The following SPAG5 variants were observed in gnomAD, a reference collection of about 807,000 sequenced individuals.
The protein encoded by SPAG5 is sperm associated antigen 5.
SPAG5 carries 99 observed loss-of-function variants against 145.4 expected under a neutral mutation model. That is an observed-to-expected ratio of 0.68 (90% CI 0.58 to 0.80). The LOEUF is 0.80. SPAG5 is among the 30% of genes least tolerant of loss of function. The pLI, the probability that SPAG5 is intolerant of heterozygous loss-of-function variation, is 0.00. For synonymous variants in SPAG5, 477 were observed against 525.4 expected (o/e 0.91, Z 1.26); for missense variants, 1,192 against 1,416.0 (o/e 0.84, Z 2.54).
Position 28,577,635 on chromosome 17 carries a change from T to C in SPAG5, c.*64A>G. ...CAGTTGGCTCTATGCCAGTTGGTCT[T>C]GGTATTGGGGTAAGGGGGTATTGCA... On this transcript the variant is annotated 3_prime_UTR_variant, in exon 24 of 24. Transcript: ENST00000321765. The C allele has an allele frequency of 9.1e-7, 1 of 1,104,014 alleles. No homozygotes were observed. The highest frequency in any genetic ancestry group is 1.4e-6 in the Non-Finnish European group (1 of 715,256). 68.4% of individuals were successfully genotyped at this position (1,104,014 alleles called of 1,614,324 possible).
In SPAG5 at chr17:28,584,343, G is replaced by A. The variant is rs760753205; in HGVS notation, c.2299C>T (p.Gln767Ter). The A allele has an allele frequency of 6.2e-7, 1 of 1,614,158 alleles. No individual in the cohort carries two copies. Residue 767 changes from glutamine to a stop codon, truncating the protein, a stop_gained, in exon 12 of 24, where the codon CAG becomes TAG. Coordinates refer to ENST00000321765, the MANE Select transcript of SPAG5 (RefSeq NM_006461.4). LOFTEE classifies it high-confidence loss of function. ...LCQLTQSNEE[Q>*]AAQWQKEEMA... ...CCGTTAGGAACTCACTGAGCAGCCT[G>A]CTCCTCATTGCTCTGGGTAAGCTGG...
rs556710938 is a variant in SPAG5 at position 28,586,554 on chromosome 17, CAG to C, written c.1438-57_1438-56del. On this transcript the variant is annotated intron_variant, in intron 4 of 23. Coordinates refer to ENST00000321765, the MANE Select transcript of SPAG5 (RefSeq NM_006461.4). ...TTTGTTTGTTTGTTTGTTTTTGAGACAGAGTCTTGCTCTATCATCCAGACTGG... is the reference window on the plus strand; with the variant it reads ...TTTGTTTGTTTGTTTGTTTTTGAGACAGTCTTGCTCTATCATCCAGACTGG... The C allele has an allele frequency of 2.6e-4, 369 of 1,432,830 alleles. No individual in the cohort carries two copies. In the African/African-American group the frequency reaches 4.4e-3, roughly 17 times the overall value. The allele number at this position is 1,432,830 out of a possible 1,614,324, so 88.8% of individuals were successfully genotyped here. A position where few individuals can be genotyped will look rare whatever the true frequency, so the allele number is the denominator to read the frequency against.
In SPAG5 at chr17:28,586,450, G is replaced by T; in HGVS notation, c.1487C>A (p.Ala496Asp). 1 of 1,613,712 alleles carries T rather than the reference G, an allele frequency of 6.2e-7. No homozygotes were observed. Among genetic ancestry groups the T allele is most frequent in the Non-Finnish European group, 8.5e-7 (1 of 1,179,558 alleles). ...CATGACATTTCTGGCCTGCTGTAGG[G>T]CCTGTCCCATCTCATGGCTCTCCTT... ...HLKESHEMGQ[A>D]LQQARNVMQS... Residue 496 changes from alanine (A) to aspartate (D), a missense_variant, in exon 5 of 24, where the codon GCC becomes GAC. Transcript: ENST00000321765.
At chr17:28,598,795 C>G (rs1478708748) in intron 1 of SPAG5, 101 bp downstream of exon 1, 1 of 1,526,712 alleles carries the variant, frequency 6.6e-7, no homozygotes, top group African/African-American at 1.4e-5. Flanking sequence ...CACAAGCCCC[C>G]AACCCCGGGC....
intron 2 of SPAG5, 110 bp downstream of exon 2, chr17:28,598,400 G>A (rs957615252): frequency 1.1e-5 from 15 of 1,333,124 alleles, no homozygotes; most frequent in Non-Finnish European, 1.4e-5. Context: ...TGTCACCGAC[G>A]TAGAAGACTT....
chr17:28,583,373 G>A (rs1265808045), intron 15 of SPAG5, 138 bp downstream of exon 15: 1 of 897,770 alleles, frequency 1.1e-6, no homozygotes, highest in Non-Finnish European at 1.6e-6. Context: ...AGAAAGGTTT[G>A]AGCAACAGGC....
Position 28,598,891 on chromosome 17 carries a change from C to T in SPAG5, c.51+5G>A. 1.2e-6 allele frequency: 2 copies of T among 1,613,934 alleles called. No homozygotes were observed. The highest frequency in any genetic ancestry group is 8.5e-7 in the Non-Finnish European group (1 of 1,179,916). On this transcript the variant is annotated splice_donor_5th_base_variant and intron_variant, in intron 1 of 23. Coordinates refer to ENST00000321765, the MANE Select transcript of SPAG5 (RefSeq NM_006461.4). ...AGTTCTCTCCGCCAGAGATCTCCCG[C>T]TTACCGTCTGGGGCGAAGGCGACAG...
intron 2 of SPAG5, among the ~76,000 whole-genome samples, chr17:28,594,367 G>A (rs983162176): frequency 2.6e-5 from 4 of 152,232 alleles, no homozygotes; most frequent in African/African-American, 7.2e-5. Flanking sequence ...AGGCTGAGGC[G>A]GGCGGATCAC....
At chr17:28,579,333 T>G (rs1257109229) in intron 18 of SPAG5, 32 bp downstream of exon 18, 3 of 1,613,934 alleles carry the variant, frequency 1.9e-6, no homozygotes, top group South Asian at 2.2e-5. Flanking sequence ...TGTCTCACTG[T>G]CCCTCTGTCA....
At chr17:28,594,945 G>A (rs2070651270) in intron 2 of SPAG5, among the ~76,000 whole-genome samples, 1 of 151,512 alleles carries the variant, frequency 6.6e-6, no homozygotes, top group African/African-American at 2.4e-5. Flanking sequence ...GGGTAACAGA[G>A]CAAGACCCTG....
chr17:28,592,557 A>G lies in SPAG5; in HGVS notation c.687T>C (p.Arg229=), dbSNP rs2070629185. The change falls in exon 3 of 24, where the codon CGT becomes CGC. Residue 229 remains arginine (R), a synonymous_variant. Coordinates refer to ENST00000321765, the MANE Select transcript of SPAG5 (RefSeq NM_006461.4). ...ESLSSRTEAV[R]EDLVPSESNA... ...TACTTTCAGAAGGTACTAAGTCCTC[A>G]CGCACAGCCTCAGTTCTACTGCTCA... 6.2e-7 allele frequency: 1 copy of G among 1,614,112 alleles called. No homozygotes were observed. Among genetic ancestry groups the G allele is most frequent in the Admixed American group, 1.7e-5 (1 of 59,998 alleles).
rs1287003584 is a variant in SPAG5 at position 28,577,583 on chromosome 17, T to A, written c.*116A>T. Reference sequence around the variant, plus strand: ...CGTAAGCTTGGAGAAATTCATTAAATACACTTTATTTAAATAGCATTTATC... The same window carrying A: ...CGTAAGCTTGGAGAAATTCATTAAAAACACTTTATTTAAATAGCATTTATC... On this transcript the variant is annotated 3_prime_UTR_variant, in exon 24 of 24. Transcript: ENST00000321765. 1.2e-5 allele frequency: 9 copies of A among 747,996 alleles called. No individual in the cohort carries two copies. The highest frequency in any genetic ancestry group is 2.1e-5 in the Non-Finnish European group (9 of 423,778). 46.3% of individuals were successfully genotyped at this position (747,996 alleles called of 1,614,324 possible).
intron 7 of SPAG5, 69 bp downstream of exon 7, chr17:28,585,795 A>G: frequency 6.2e-7 from 1 of 1,611,960 alleles, no homozygotes; most frequent in Non-Finnish European, 8.5e-7. Context: ...TCTAAAGTGC[A>G]TTTGTGTTCC....
At chr17:28,583,792 G>C in intron 14 of SPAG5, 61 bp downstream of exon 14, 1 of 1,573,202 alleles carries the variant, frequency 6.4e-7, no homozygotes, top group Non-Finnish European at 8.6e-7. Context: ...TTGGCTTCTA[G>C]AAGTGTTCCT....
rs2070569127 is a variant in SPAG5, at chr17:28,584,363, A to C, written c.2279T>G (p.Leu760Arg). Residue 760 changes from leucine (L) to arginine (R), a missense_variant, in exon 12 of 24, where the codon CTT (leucine) becomes CGT (arginine). Transcript: ENST00000321765. ...LAMKDELLCQLTQSNEEQAAQ... is the reference protein window; with the variant it reads ...LAMKDELLCQRTQSNEEQAAQ... ...AGCCTGCTCCTCATTGCTCTGGGTA[A>C]GCTGGCAGAGTAACTCATCCTTCAT... The C allele has an allele frequency of 6.2e-7, 1 of 1,614,078 alleles. No homozygotes were observed. The highest frequency in any genetic ancestry group is 1.3e-5 in the African/African-American group (1 of 74,928).
In SPAG5 at chr17:28,592,190, T is replaced by C; in HGVS notation, c.1054A>G (p.Thr352Ala). 1 of 1,613,758 alleles carries C rather than the reference T, an allele frequency of 6.2e-7. No individual in the cohort carries two copies. The highest frequency in any genetic ancestry group is 1.6e-4 in the Middle Eastern group (1 of 6,062). Residue 352 changes from threonine (T) to alanine (A), a missense_variant, in exon 3 of 24, where the codon ACC becomes GCC. By Grantham distance (58) the Thr-to-Ala change is moderately conservative. Coordinates refer to ENST00000321765, the MANE Select transcript of SPAG5 (RefSeq NM_006461.4). ...PLAWLEKGVN[T>A]SVMLENLRQS... Reference sequence around the variant, plus strand: ...CGGAGATTTTCCAGCATGACGGAGGTATTTACACCTTTTTCCAGCCAGGCC... The same window carrying C: ...CGGAGATTTTCCAGCATGACGGAGGCATTTACACCTTTTTCCAGCCAGGCC...
chr17:28,577,956 G>C (rs528129087), intron 23 of SPAG5, 54 bp downstream of exon 23: 6 of 1,480,836 alleles, frequency 4.1e-6, no homozygotes, highest in Non-Finnish European at 5.7e-6. Flanking sequence ...GTACCTCCTG[G>C]GGCCAGGCCT....
chr17:28,598,328 C>A (rs1327936527), intron 2 of SPAG5, 182 bp downstream of exon 2: 1 of 597,204 alleles, frequency 1.7e-6, no homozygotes, highest in Non-Finnish European at 2.8e-6. Flanking sequence ...TTCAAGTTCT[C>A]ACTGGATTTC....
Position 28,585,348 on chromosome 17 carries a change from G to T in SPAG5, c.1924C>A (p.Gln642Lys). 1.2e-6 allele frequency: 2 copies of T among 1,614,172 alleles called. No individual in the cohort carries two copies. Among genetic ancestry groups the T allele is most frequent in the Non-Finnish European group, 1.7e-6 (2 of 1,179,994 alleles). Residue 642 changes from glutamine (Q) to lysine (K), a missense_variant, in exon 9 of 24, where the codon CAA (glutamine) becomes AAA (lysine). This residue lies in a region of SPAG5 where 709 missense variants were observed against 840.7 expected (regional missense o/e 0.84). Transcript: ENST00000321765. ...QQTVSLTSTL[Q>K]QDWRSMQLDY... ...AGTTGCATGGACCTCCAGTCTTGTTGCAAGGTAGAAGTAAGACTCACTGTC... is the reference window on the plus strand; with the variant it reads ...AGTTGCATGGACCTCCAGTCTTGTTTCAAGGTAGAAGTAAGACTCACTGTC...
Sources: gnomAD v4.1 joint callset for allele counts (sites outside exome capture counted in the v4.1 genomes callset) on GRCh38, gnomAD v4.1.1 for gene constraint, gnomAD v4.1.1 regional missense constraint, MANE v1.5 for transcripts, NCBI Gene and HGNC (gene_info 2026-07-23, HGNC 2026-07-21) for gene names.